SNCAIP: variants seen among roughly 807,000 people sequenced by gnomAD.
SNCAIP encodes synuclein alpha interacting protein.
In SNCAIP, 43 loss-of-function variants were observed where a neutral mutation model predicts 86.7. The ratio of observed to expected loss-of-function variants is 0.50; its 90% CI spans 0.39 to 0.64. SNCAIP has a LOEUF of 0.64. SNCAIP is among the 30% of genes least tolerant of loss of function. The pLI is 0.00. For synonymous variants in SNCAIP, 417 were observed against 427.2 expected (o/e 0.98, Z 0.29); for missense variants, 981 against 1,103.1 (o/e 0.89, Z 1.57).
chr5:122,425,499 G>A lies in SNCAIP; in HGVS notation c.1150G>A (p.Glu384Lys). 1.2e-6 allele frequency: 2 copies of A among 1,614,130 alleles called. No individual in the cohort carries two copies. The highest frequency in any genetic ancestry group is 1.7e-6 in the Non-Finnish European group (2 of 1,180,002). ...AGACTGCCTCAATGAGCGCAACACTGAGAAGTTGACTCCAGCAGGCCTGGC... is the reference window on the plus strand; with the variant it reads ...AGACTGCCTCAATGAGCGCAACACTAAGAAGTTGACTCCAGCAGGCCTGGC... ...GEDCLNERNT[E>K]KLTPAGLAIK... Residue 384 changes from glutamate (E) to lysine (K), a missense_variant, in exon 5 of 11, where the codon GAG becomes AAG. By Grantham distance (56) the Glu-to-Lys change is moderately conservative. Transcript: ENST00000261368.
In SNCAIP at chr5:122,363,119, C is replaced by G. The variant is rs113217940; in HGVS notation, c.-46-27970C>G. Among the ~76,000 whole-genome samples, 1,365 of 151,720 alleles carry G rather than the reference C, an allele frequency of 9.0e-3. 25 individuals carry two copies. Among genetic ancestry groups the G allele is most frequent in the African/African-American group, 0.032 (1,313 of 41,334 alleles). On this transcript the variant is annotated intron_variant, in intron 1 of 10. Transcript: ENST00000261368. The stretch of plus-strand genomic sequence containing the variant: ...TCAAGCGATTCTCTTGCCTCAGTCT[C>G]CCAAGTAGCTGTTTTTACAGGCATG...
intron 3 of SNCAIP, among the ~76,000 whole-genome samples, chr5:122,415,033 G>C (rs1036594782): frequency 1.3e-5 from 2 of 152,182 alleles, no homozygotes; most frequent in Non-Finnish European, 2.9e-5. Flanking sequence ...AAGAAATATT[G>C]CTTTGTGGAA....
chr5:122,444,126 A>T (rs1426389142), intron 7 of SNCAIP: 1 of 457,900 alleles, frequency 2.2e-6, no homozygotes, highest in East Asian at 6.9e-5. Flanking sequence ...CAACAAATAA[A>T]CAGGTGTTAT....
chr5:122,440,498 A>C (rs1386478606), intron 6 of SNCAIP, 131 bp from the exon 7 acceptor site: 1 of 836,922 alleles, frequency 1.2e-6, no homozygotes, highest in Non-Finnish European at 2.0e-6. Context: ...CATCTGAATG[A>C]GAATTTTCTC....
chr5:122,405,046 G>T (rs557407016), intron 3 of SNCAIP, among the ~76,000 whole-genome samples: 5 of 152,218 alleles, frequency 3.3e-5, no homozygotes, highest in African/African-American at 1.2e-4. Context: ...GAGGCTCTTG[G>T]CTATAAGTCT....
chr5:122,415,246 T>C (rs1775069610), intron 3 of SNCAIP, among the ~76,000 whole-genome samples: 1 of 152,208 alleles, frequency 6.6e-6, no homozygotes, highest in Non-Finnish European at 1.5e-5. Flanking sequence ...GTTCAGGCCA[T>C]GGTAGGAGCC....
intron 6 of SNCAIP, among the ~76,000 whole-genome samples, chr5:122,434,445 A>G (rs1268121770): frequency 6.6e-6 from 1 of 152,180 alleles, no homozygotes; most frequent in Non-Finnish European, 1.5e-5. Flanking sequence ...GAACAAAATA[A>G]AGTGCCCTTT....
At chr5:122,438,004 A>G (rs917529191) in intron 6 of SNCAIP, among the ~76,000 whole-genome samples, 1 of 152,160 alleles carries the variant, frequency 6.6e-6, no homozygotes, top group African/African-American at 2.4e-5. Flanking sequence ...TGGAATAGAC[A>G]TACCCCCCAT....
chr5:122,319,577 C>G (rs1041021779), intron 1 of SNCAIP, among the ~76,000 whole-genome samples: 2 of 152,070 alleles, frequency 1.3e-5, no homozygotes, highest in Non-Finnish European at 2.9e-5. Context: ...GGATTCTTTC[C>G]TTGAAGAGAA....
At chr5:122,459,056 C>T (rs115212231) in intron 10 of SNCAIP, among the ~76,000 whole-genome samples, 2,053 of 152,238 alleles carry the variant, frequency 0.013, 28 homozygotes, top group Non-Finnish European at 0.022. Context: ...TGTTCTTTAT[C>T]AATATTGGCC....
In SNCAIP at chr5:122,354,224, C is replaced by T. The variant is rs377334989; in HGVS notation, c.-46-36865C>T. Among the ~76,000 whole-genome samples the T allele has an allele frequency of 3.2e-4, 48 of 152,262 alleles. No homozygotes were observed. In the East Asian group the frequency reaches 4.1e-3, roughly 13 times the overall value. On this transcript the variant is annotated intron_variant, in intron 1 of 10. Coordinates refer to ENST00000261368, the MANE Select transcript of SNCAIP (RefSeq NM_005460.4). ...CATTAATCTTCCTATTTCAGAATACCAGATACTTCATTTTGTTAAGGCACA... is the reference window on the plus strand; with the variant it reads ...CATTAATCTTCCTATTTCAGAATACTAGATACTTCATTTTGTTAAGGCACA...
chr5:122,417,030 G>T (rs926406006), intron 3 of SNCAIP, among the ~76,000 whole-genome samples: 1 of 152,106 alleles, frequency 6.6e-6, no homozygotes, highest in South Asian at 2.1e-4. Context: ...AAATCATACC[G>T]CTTTTCTTTC....
chr5:122,401,250 T>C, intron 2 of SNCAIP: 1 of 953,718 alleles, frequency 1.0e-6, no homozygotes, highest in East Asian at 3.0e-5. Context: ...TAAGGGAGAC[T>C]TCTTGGATCA....
At chr5:122,354,322 A>G (rs1760566947) in intron 1 of SNCAIP, among the ~76,000 whole-genome samples, 1 of 152,174 alleles carries the variant, frequency 6.6e-6, no homozygotes, top group South Asian at 2.1e-4. Flanking sequence ...TTGAGAATTG[A>G]GTGTAGACTA....
intron 1 of SNCAIP, chr5:122,323,455 C>T (rs1166970525): frequency 6.6e-6 from 1 of 152,196 alleles, no homozygotes; most frequent in Non-Finnish European, 1.5e-5. Context: ...CAGCAACAGA[C>T]TTGCTCATTG....
intron 1 of SNCAIP, among the ~76,000 whole-genome samples, chr5:122,351,902 T>C (rs1313171213): frequency 2.0e-5 from 3 of 152,158 alleles, no homozygotes; most frequent in Non-Finnish European, 4.4e-5. Flanking sequence ...GATGACCTCT[T>C]GTTTTCCAAA....
intron 1 of SNCAIP, among the ~76,000 whole-genome samples, chr5:122,321,102 T>C (rs1377973597): frequency 6.6e-6 from 1 of 152,140 alleles, no homozygotes; most frequent in East Asian, 1.9e-4. Flanking sequence ...ATAGGATCCA[T>C]GAATGGGAGC....
intron 2 of SNCAIP, among the ~76,000 whole-genome samples, chr5:122,398,641 G>T (rs1771133033): frequency 6.6e-6 from 1 of 152,080 alleles, no homozygotes; most frequent in African/African-American, 2.4e-5. Context: ...TGGCTTAATT[G>T]TTTCTTTTGG....
At chr5:122,339,313 G>A (rs1339681201) in intron 1 of SNCAIP, among the ~76,000 whole-genome samples, 1 of 152,132 alleles carries the variant, frequency 6.6e-6, no homozygotes, top group Non-Finnish European at 1.5e-5. Context: ...CCGAAGTCTT[G>A]GGTTGTCTTC....
Sources: allele counts gnomAD v4.1 joint callset (sites outside exome capture counted in the v4.1 genomes callset), GRCh38; gene constraint gnomAD v4.1.1; transcripts MANE v1.5; gene names NCBI Gene and HGNC (gene_info 2026-07-23, HGNC 2026-07-21).